GPRIN3: variants seen among roughly 807,000 people sequenced by gnomAD.
GPRIN3 encodes G protein-regulated inducer of neurite outgrowth 3.
GPRIN3 carries 12 observed loss-of-function variants against 13.7 expected under a neutral mutation model. The ratio of observed to expected loss-of-function variants is 0.87; its 90% CI spans 0.56 to 1.42. The LOEUF (loss-of-function observed/expected upper bound fraction) is 1.42, where lower values mean the gene tolerates loss of function less well. Ranked by LOEUF, GPRIN3 falls within the 40% of genes most tolerant of loss-of-function variation. The probability of loss-of-function intolerance (pLI) is 0.00; values close to 1 mark genes in which losing one functional copy is unlikely to be tolerated. For synonymous variants in GPRIN3, 377 were observed against 372.7 expected (o/e 1.01, Z -0.13); for missense variants, 1,009 against 958.7 (o/e 1.05, Z -0.69).
chr4:89,281,055 G>A (rs1724234391), intron 1 of GPRIN3, among the ~76,000 whole-genome samples: 1 of 149,764 alleles, frequency 6.7e-6, no homozygotes, highest in Non-Finnish European at 1.5e-5. Context: ...GTTGGAAGGT[G>A]AAGGGGGGGG....
intron 1 of GPRIN3, among the ~76,000 whole-genome samples, chr4:89,283,105 T>C (rs1010536121): frequency 7.2e-5 from 11 of 152,218 alleles, no homozygotes; most frequent in Non-Finnish European, 1.0e-4. Flanking sequence ...CCTTGCTTCA[T>C]TGAGGGCTAT....
At chr4:89,274,402 G>C (rs1193524647) in intron 1 of GPRIN3, among the ~76,000 whole-genome samples, 1 of 152,114 alleles carries the variant, frequency 6.6e-6, no homozygotes, top group Non-Finnish European at 1.5e-5. Context: ...TAGGGTTCCA[G>C]GGTCTCTTTC....
intron 1 of GPRIN3, among the ~76,000 whole-genome samples, chr4:89,272,056 G>C (rs58678216): frequency 2.0e-5 from 3 of 152,060 alleles, no homozygotes; most frequent in African/African-American, 4.8e-5. Flanking sequence ...GAACCTTCTC[G>C]AGACACTGAC....
intron 1 of GPRIN3, among the ~76,000 whole-genome samples, chr4:89,259,405 T>G (rs1439554903): frequency 6.6e-6 from 1 of 152,204 alleles, no homozygotes; most frequent in Admixed American, 6.5e-5. Flanking sequence ...AGGACTTCAA[T>G]TGCAAGCTTA....
At chr4:89,250,660 G>A (rs2149257166) in intron 1 of GPRIN3, 1 of 152,262 alleles carries the variant, frequency 6.6e-6, no homozygotes, top group East Asian at 1.9e-4. Context: ...TCTAGGGATA[G>A]ATCCAAATAT....
intron 1 of GPRIN3, among the ~76,000 whole-genome samples, chr4:89,268,527 T>A (rs1455228292): frequency 6.6e-6 from 1 of 152,214 alleles, no homozygotes; most frequent in Non-Finnish European, 1.5e-5. Context: ...GCACCTCTGC[T>A]ACCCCTCCCA....
Position 89,280,775 on chromosome 4 carries a change from A to G in GPRIN3, c.-124+26840T>C, listed in dbSNP as rs75016970. Reference sequence around the variant, plus strand: ...GGACATAGACACAGACACACAAGCAAGAAGGGAAGAAAGTCCTGTGGAAAC... The same window carrying G: ...GGACATAGACACAGACACACAAGCAGGAAGGGAAGAAAGTCCTGTGGAAAC... On this transcript the variant is annotated intron_variant, in intron 1 of 1. Coordinates refer to ENST00000609438, the MANE Select transcript of GPRIN3 (RefSeq NM_198281.3). Among the ~76,000 whole-genome samples, 762 of 152,352 alleles carry G rather than the reference A, an allele frequency of 5.0e-3. 6 individuals are homozygous for G. The highest frequency in any genetic ancestry group is 0.017 in the African/African-American group (714 of 41,580).
intron 1 of GPRIN3, among the ~76,000 whole-genome samples, chr4:89,297,508 A>AG (rs1724771708): frequency 6.6e-6 from 1 of 152,084 alleles, no homozygotes; most frequent in African/African-American, 2.4e-5. Flanking sequence ...TCTATAATTG[A>AG]GGCTCCATCT....
At chr4:89,292,031 G>A (rs967257521) in intron 1 of GPRIN3, among the ~76,000 whole-genome samples, 11 of 151,992 alleles carry the variant, frequency 7.2e-5, no homozygotes, top group African/African-American at 2.7e-4. Flanking sequence ...AAAACTCTTA[G>A]TCATCTTTGT....
At chr4:89,252,269 G>A (rs1723349796) in intron 1 of GPRIN3, among the ~76,000 whole-genome samples, 1 of 152,092 alleles carries the variant, frequency 6.6e-6, no homozygotes, top group South Asian at 2.1e-4. Context: ...CCATGAACCT[G>A]GCCTATAAGC....
rs956620474 is a variant in GPRIN3, at chr4:89,242,509, T to C, written c.*5271A>G. 1.3e-5 allele frequency: 2 copies of C among 152,224 alleles called. No homozygotes were observed. The highest frequency in any genetic ancestry group is 6.5e-5 in the Admixed American group (1 of 15,278). 9.4% of individuals were successfully genotyped at this position (152,224 alleles called of 1,614,324 possible). On this transcript the variant is annotated 3_prime_UTR_variant, in exon 2 of 2. Transcript: ENST00000609438. Reference sequence around the variant, plus strand: ...GGCTCCTCTTCCCTCTGGGCTCACATAAAAACATAGATGCCAACTGTATCC... The same window carrying C: ...GGCTCCTCTTCCCTCTGGGCTCACACAAAAACATAGATGCCAACTGTATCC...
intron 1 of GPRIN3, among the ~76,000 whole-genome samples, chr4:89,293,901 T>C (rs1047445451): frequency 1.3e-5 from 2 of 152,254 alleles, no homozygotes; most frequent in South Asian, 4.1e-4. Context: ...ATTCAGAATA[T>C]GTACTTGGTT....
At chr4:89,268,359 G>T (rs1399098943) in intron 1 of GPRIN3, among the ~76,000 whole-genome samples, 2 of 152,166 alleles carry the variant, frequency 1.3e-5, no homozygotes, top group African/African-American at 4.8e-5. Flanking sequence ...AGGAAGCAAG[G>T]CTAGAAAAAG....
intron 1 of GPRIN3, among the ~76,000 whole-genome samples, chr4:89,259,971 AT>A (rs566320792): frequency 1.3e-5 from 2 of 151,944 alleles, no homozygotes; most frequent in Non-Finnish European, 2.9e-5. Context: ...CACCTGGCTA[AT>A]TTTTTTGTAT....
chr4:89,280,647 G>A (rs1724220683), intron 1 of GPRIN3, among the ~76,000 whole-genome samples: 1 of 152,148 alleles, frequency 6.6e-6, no homozygotes, highest in Non-Finnish European at 1.5e-5. Flanking sequence ...AATTTTATTT[G>A]AAAATAGGTT....
intron 1 of GPRIN3, among the ~76,000 whole-genome samples, chr4:89,258,181 T>C (rs1000107055): frequency 7.9e-5 from 12 of 151,142 alleles, no homozygotes; most frequent in Non-Finnish European, 1.6e-4. Flanking sequence ...TTATGTGACA[T>C]AGAAGCCTTC....
rs768156016 is a variant in GPRIN3, at chr4:89,248,233, G to T, written c.1878C>A (p.Arg626=). Residue 626 remains arginine (R), a synonymous_variant, in exon 2 of 2, where the codon CGC becomes CGA. Coordinates refer to ENST00000609438, the MANE Select transcript of GPRIN3 (RefSeq NM_198281.3). ...SPGSGKKTPS[R]SVKASPRRPS... is the part of the protein sequence containing the mutation. ...GCCTGCGTGGGCTGGCTTTGACGGA[G>T]CGAGATGGGGTCTTCTTGCCAGAAC... The T allele has an allele frequency of 3.7e-6, 6 of 1,614,070 alleles. No individual in the cohort carries two copies. In the African/African-American group the frequency reaches 8.0e-5, roughly 22 times the overall value.
intron 1 of GPRIN3, among the ~76,000 whole-genome samples, chr4:89,304,049 T>C (rs1361627834): frequency 3.3e-5 from 5 of 152,138 alleles, no homozygotes; most frequent in Non-Finnish European, 5.9e-5. Context: ...TCAGCACCCC[T>C]TCCTCACTGC....
chr4:89,252,980 G>A, intron 1 of GPRIN3, among the ~76,000 whole-genome samples: 1 of 135,928 alleles, frequency 7.4e-6, no homozygotes. Flanking sequence ...GTCCTCTAAA[G>A]CCTTCAAGTT....
Sources: allele counts gnomAD v4.1 joint callset (sites outside exome capture counted in the v4.1 genomes callset), GRCh38; gene constraint gnomAD v4.1.1; transcripts MANE v1.5; gene names NCBI Gene and HGNC (gene_info 2026-07-23, HGNC 2026-07-21).